Variants in CSMD1 observed in about 807,000 individuals in gnomAD.
CSMD1 encodes the protein CUB and Sushi multiple domains 1, also known as CUB and sushi domain-containing protein 1.
CSMD1 carries 213 observed loss-of-function variants against 417.5 expected under a neutral mutation model. The ratio of observed to expected loss-of-function variants is 0.51; its 90% CI spans 0.46 to 0.57. CSMD1 has a LOEUF of 0.57. CSMD1 is among the 20% of genes least tolerant of loss of function. The pLI is 0.00. For missense variants in CSMD1, 6,923 were observed against 4,529.7 expected (o/e 1.53, Z -15.17); for synonymous variants, 2,862 against 1,736.8 (o/e 1.65, Z -16.11).
chr8:4,349,220 G>T (rs777774141), intron 3 of CSMD1, among the ~76,000 whole-genome samples: 6 of 152,118 alleles, frequency 3.9e-5, no homozygotes, highest in Non-Finnish European at 7.3e-5. Flanking sequence ...CTATAAGAAG[G>T]GCTTGTTTGC....
intron 50 of CSMD1, among the ~76,000 whole-genome samples, chr8:3,041,579 T>C (rs956727941): frequency 3.9e-5 from 6 of 152,252 alleles, no homozygotes; most frequent in Non-Finnish European, 7.3e-5. Flanking sequence ...TACATGCTTG[T>C]AGCATTTCAA....
intron 23 of CSMD1, among the ~76,000 whole-genome samples, chr8:3,330,440 T>C (rs1029951314): frequency 5.9e-5 from 9 of 152,220 alleles, no homozygotes; most frequent in African/African-American, 2.2e-4. Flanking sequence ...ATCATGTCTT[T>C]TGTGAGAACA....
chr8:3,957,792 G>A (rs181145591), intron 5 of CSMD1, among the ~76,000 whole-genome samples: 1 of 152,090 alleles, frequency 6.6e-6, no homozygotes, highest in Admixed American at 6.5e-5. Flanking sequence ...GAAGAATAAT[G>A]TTGTTAGTTT....
intron 20 of CSMD1, among the ~76,000 whole-genome samples, chr8:3,363,925 ACGGGG>A (rs1484652001): frequency 3.3e-5 from 5 of 152,178 alleles, no homozygotes; most frequent in African/African-American, 1.2e-4. Context: ...CAACTGGAAT[ACGGGG>A]CTCTTTTTCT....
At position 3,128,849 on chromosome 8, in the gene CSMD1, T is replaced by G. The variant is rs28625444; in HGVS notation, c.6242-10262A>C. On this transcript the variant is annotated intron_variant, in intron 41 of 69. Transcript: ENST00000635120. ...CCTTTCTTCTCCTTGACATCTGGCTTGGAATGGGGTGTCAAGACATGGGAA... is the reference window on the plus strand; with the variant it reads ...CCTTTCTTCTCCTTGACATCTGGCTGGGAATGGGGTGTCAAGACATGGGAA... The G allele has an allele frequency of 3.4e-3, 1,543 of 453,978 alleles. 23 individuals carry two copies. The highest frequency in any genetic ancestry group is 0.027 in the African/African-American group (1,372 of 50,006). 28.1% of individuals were successfully genotyped at this position (453,978 alleles called of 1,614,324 possible).
At chr8:4,205,157 A>C (rs1344581539) in intron 3 of CSMD1, among the ~76,000 whole-genome samples, 1 of 150,300 alleles carries the variant, frequency 6.7e-6, no homozygotes, top group Admixed American at 6.6e-5. Context: ...AATTGTTCTT[A>C]GAGAGAAAAC....
At chr8:3,733,168 T>TACACACAC (rs75223191) in intron 6 of CSMD1, among the ~76,000 whole-genome samples, 11 of 140,450 alleles carry the variant, frequency 7.8e-5, no homozygotes, top group South Asian at 4.5e-4. Flanking sequence ...AGGCCATAAA[T>TACACACAC]ACACACACAC....
At chr8:3,112,058 G>C (rs1333656644) in intron 42 of CSMD1, among the ~76,000 whole-genome samples, 10 of 151,782 alleles carry the variant, frequency 6.6e-5, no homozygotes, top group Admixed American at 6.6e-4. Context: ...AGAGGTCCAG[G>C]CTCTGCTCAC....
intron 5 of CSMD1, among the ~76,000 whole-genome samples, chr8:3,804,710 A>G (rs192900187): frequency 2.0e-5 from 3 of 152,358 alleles, no homozygotes; most frequent in Middle Eastern, 3.4e-3. Context: ...GTAAACACAT[A>G]TATTTGTGTA....
intron 50 of CSMD1, among the ~76,000 whole-genome samples, chr8:3,031,663 G>A (rs1439085742): frequency 2.0e-5 from 3 of 151,850 alleles, no homozygotes; most frequent in Non-Finnish European, 4.4e-5. Flanking sequence ...CTCCCAAAGT[G>A]CTGGGATTAC....
intron 4 of CSMD1, among the ~76,000 whole-genome samples, chr8:3,998,621 G>A (rs1436556529): frequency 6.6e-6 from 1 of 152,086 alleles, no homozygotes; most frequent in Non-Finnish European, 1.5e-5. Flanking sequence ...CATAAAAGAG[G>A]CACATCACCT....
intron 5 of CSMD1, among the ~76,000 whole-genome samples, chr8:3,907,531 G>C (rs1808190802): frequency 1.3e-5 from 2 of 152,102 alleles, no homozygotes; most frequent in African/African-American, 4.8e-5. Context: ...GCAGATCTTT[G>C]CTTTATTTTT....
intron 7 of CSMD1, among the ~76,000 whole-genome samples, chr8:3,628,193 G>A (rs1051096083): frequency 6.6e-6 from 1 of 152,208 alleles, no homozygotes; most frequent in African/African-American, 2.4e-5. Flanking sequence ...TTGTAACAAC[G>A]CGGTTGTATT....
chr8:4,328,311 T>G (rs895437139), intron 3 of CSMD1, among the ~76,000 whole-genome samples: 5 of 149,346 alleles, frequency 3.3e-5, no homozygotes, highest in African/African-American at 1.2e-4. Flanking sequence ...TCCCCACGAC[T>G]CAGTTAAGTC....
At chr8:3,861,648 A>T (rs896693162) in intron 5 of CSMD1, among the ~76,000 whole-genome samples, 1 of 152,186 alleles carries the variant, frequency 6.6e-6, no homozygotes, top group Non-Finnish European at 1.5e-5. Context: ...TTGGAGATGT[A>T]TATGGCTCTC....
chr8:4,014,325 A>T (rs889572496), intron 4 of CSMD1, among the ~76,000 whole-genome samples: 59 of 152,314 alleles, frequency 3.9e-4, no homozygotes, highest in African/African-American at 1.3e-3. Flanking sequence ...CATTCATCAC[A>T]TTCAATTATA....
At chr8:4,538,690 C>T (rs903426698) in intron 2 of CSMD1, among the ~76,000 whole-genome samples, 1 of 152,038 alleles carries the variant, frequency 6.6e-6, no homozygotes, top group Non-Finnish European at 1.5e-5. Flanking sequence ...AATGTAGTAC[C>T]AACCTGGATA....
intron 68 of CSMD1, among the ~76,000 whole-genome samples, chr8:2,943,872 T>C (rs1802049617): frequency 6.6e-6 from 1 of 152,212 alleles, no homozygotes; most frequent in Admixed American, 6.5e-5. Flanking sequence ...ATTTATAAAA[T>C]GTCAGATTCA....
chr8:4,161,180 C>T (rs1007968426), intron 3 of CSMD1, among the ~76,000 whole-genome samples: 1 of 151,930 alleles, frequency 6.6e-6, no homozygotes, highest in Non-Finnish European at 1.5e-5. Context: ...GAAGTACTTG[C>T]AATGTGCTAC....
Sources: allele counts gnomAD v4.1 joint callset (sites outside exome capture counted in the v4.1 genomes callset), GRCh38; gene constraint gnomAD v4.1.1; transcripts MANE v1.5; gene names NCBI Gene and HGNC (gene_info 2026-07-23, HGNC 2026-07-21).